The following GUCY1A1 variants were observed in gnomAD, a reference collection of about 807,000 sequenced individuals.
The protein encoded by GUCY1A1 is guanylate cyclase 1 soluble subunit alpha 1, also known as guanylate cyclase soluble subunit alpha-1.
In GUCY1A1, 48 loss-of-function variants were observed where a neutral mutation model predicts 64.5. That is an observed-to-expected ratio of 0.74 (90% confidence interval 0.59 to 0.95). The LOEUF (loss-of-function observed/expected upper bound fraction) is 0.95, where lower values mean the gene tolerates loss of function less well. Among genes scored for constraint, GUCY1A1 ranks in the 40% least tolerant of loss-of-function variants. GUCY1A1 has a pLI of 0.00. For missense variants in GUCY1A1, 804 were observed against 825.3 expected (o/e 0.97, Z 0.32); for synonymous variants, 308 against 303.4 (o/e 1.02, Z -0.16).
chr4:155,713,617 A>G (rs1273098001), intron 7 of GUCY1A1, 34 bp downstream of exon 7: 4 of 1,596,434 alleles, frequency 2.5e-6, no homozygotes, highest in Admixed American at 3.4e-5. Flanking sequence ...TTGTTTTACC[A>G]GCAAACTCAC....
At chr4:155,717,395 TGAGA>T (rs149094442) in intron 8 of GUCY1A1, 93 bp downstream of exon 8, 7 of 881,012 alleles carry the variant, frequency 7.9e-6, no homozygotes, top group South Asian at 7.1e-5. Flanking sequence ...GGGGGTTAGT[TGAGA>T]GAGAGAGAGA....
intron 9 of GUCY1A1, among the ~76,000 whole-genome samples, chr4:155,726,258 TATAA>T (rs1734654625): frequency 6.6e-6 from 1 of 152,034 alleles, no homozygotes; most frequent in African/African-American, 2.4e-5. Flanking sequence ...TTAGGCAAAA[TATAA>T]ATACTTAATG....
intron 2 of GUCY1A1, among the ~76,000 whole-genome samples, chr4:155,674,874 A>C (rs766883115): frequency 6.6e-6 from 1 of 151,712 alleles, no homozygotes; most frequent in Non-Finnish European, 1.5e-5. Flanking sequence ...GTACTTTATT[A>C]TCACTATCGA....
intron 4 of GUCY1A1, 103 bp from the exon 5 acceptor site, chr4:155,708,133 G>A (rs1227603241): frequency 1.6e-6 from 1 of 645,104 alleles, no homozygotes; most frequent in African/African-American, 1.8e-5. Context: ...CGCTGTGCCT[G>A]GCCTAATTTA....
At chr4:155,688,240 CA>C (rs879491708) in intron 2 of GUCY1A1, among the ~76,000 whole-genome samples, 164 of 144,560 alleles carry the variant, frequency 1.1e-3, no homozygotes, top group Middle Eastern at 3.7e-3. Context: ...AACAAACAAA[CA>C]AAAAAAAAAA....
At chr4:155,674,805 G>A (rs1560909235) in intron 2 of GUCY1A1, among the ~76,000 whole-genome samples, 1 of 151,556 alleles carries the variant, frequency 6.6e-6, no homozygotes, top group Non-Finnish European at 1.5e-5. Flanking sequence ...AGTAAAACTA[G>A]TACCCTCTAA....
intron 2 of GUCY1A1, among the ~76,000 whole-genome samples, chr4:155,680,082 TA>T (rs1735521596): frequency 6.6e-6 from 1 of 152,244 alleles, no homozygotes; most frequent in Non-Finnish European, 1.5e-5. Flanking sequence ...CAATTTTTAC[TA>T]AAATGATGGC....
chr4:155,676,898 C>T (rs1295491167), intron 2 of GUCY1A1, among the ~76,000 whole-genome samples: 1 of 151,442 alleles, frequency 6.6e-6, no homozygotes, highest in Non-Finnish European at 1.5e-5. Flanking sequence ...ACAAAGCTCA[C>T]CTTAAGTGTC....
rs1172924102 is a variant in GUCY1A1, at chr4:155,713,208, C to A, written c.1197C>A (p.Tyr399Ter). 6.2e-7 allele frequency: 1 copy of A among 1,614,062 alleles called. No individual in the cohort carries two copies. Among genetic ancestry groups the A allele is most frequent in the Non-Finnish European group, 8.5e-7 (1 of 1,179,946 alleles). Residue 399 changes from tyrosine to a stop codon, truncating the protein, a stop_gained, in exon 7 of 10, where the codon TAC becomes TAA. Transcript: ENST00000506455. LOFTEE classifies it high-confidence loss of function. ...AAGATTTTACAGGACGAGGGCTCTACCTCTCAGACATCCCAATTCACAATG... is the reference window on the plus strand; with the variant it reads ...AAGATTTTACAGGACGAGGGCTCTAACTCTCAGACATCCCAATTCACAATG... ...RLEDFTGRGLYLSDIPIHNAL... is the reference protein window; with the variant it reads ...RLEDFTGRGL
intron 2 of GUCY1A1, among the ~76,000 whole-genome samples, chr4:155,670,947 T>G (rs940927473): frequency 1.3e-5 from 2 of 152,172 alleles, no homozygotes; most frequent in African/African-American, 4.8e-5. Context: ...CCTTTTTTTC[T>G]AGGTCCAGCC....
At chr4:155,726,586 T>C (rs1734702492) in intron 9 of GUCY1A1, among the ~76,000 whole-genome samples, 1 of 151,976 alleles carries the variant, frequency 6.6e-6, no homozygotes, top group South Asian at 2.1e-4. Flanking sequence ...GCTTCCATGA[T>C]ATATTTCTGA....
chr4:155,736,453 A>G lies in GUCY1A1; in HGVS notation c.*6222A>G, dbSNP rs562395689. The G allele has an allele frequency of 5.3e-5, 8 of 152,112 alleles. No homozygotes were observed. The highest frequency in any genetic ancestry group is 1.7e-4 in the African/African-American group (7 of 41,542). 9.4% of individuals were successfully genotyped at this position (152,112 alleles called of 1,614,324 possible). The stretch of plus-strand genomic sequence containing the variant: ...GGAACTCCCTAGAATCTACTCCTAG[A>G]CCACCCTAGTGAAGTACCATAGACC... On this transcript the variant is annotated 3_prime_UTR_variant, in exon 10 of 10. Coordinates refer to ENST00000506455, the MANE Select transcript of GUCY1A1 (RefSeq NM_001130682.3).
rs145938621 is a variant in GUCY1A1, at chr4:155,730,466, A to G, written c.*235A>G. ...AAGCTACTTTTGTGGGAGTATTTCTATTATATAACCAGCACTTACTACCTG... is the reference window on the plus strand; with the variant it reads ...AAGCTACTTTTGTGGGAGTATTTCTGTTATATAACCAGCACTTACTACCTG... On this transcript the variant is annotated 3_prime_UTR_variant, in exon 10 of 10. Coordinates refer to ENST00000506455, the MANE Select transcript of GUCY1A1 (RefSeq NM_001130682.3). 1.2e-3 allele frequency: 458 copies of G among 385,942 alleles called. 6 individuals are homozygous for G. The East Asian group carries it at 0.018, about 15-fold the overall frequency. The allele number at this position is 385,942 out of a possible 1,614,324, so 23.9% of individuals were successfully genotyped here. A position where few individuals can be genotyped will look rare whatever the true frequency, so the allele number is the denominator to read the frequency against.
At position 155,731,125 on chromosome 4, in the gene GUCY1A1, A is replaced by G. The variant is rs1392051913; in HGVS notation, c.*894A>G. On this transcript the variant is annotated 3_prime_UTR_variant, in exon 10 of 10. Transcript: ENST00000506455. ...AAAGTAATCATCCAGGGGACCCACC[A>G]TAAAGGACATTGGTAAAACATTTAC... is the stretch of plus-strand genomic sequence containing the variant. The G allele has an allele frequency of 1.3e-5, 2 of 152,658 alleles. No individual in the cohort carries two copies. Among genetic ancestry groups the G allele is most frequent in the East Asian group, 1.9e-4 (1 of 5,164 alleles). 9.5% of individuals were successfully genotyped at this position (152,658 alleles called of 1,614,324 possible). A position where few individuals can be genotyped will look rare whatever the true frequency, so the allele number is the denominator to read the frequency against.
At chr4:155,675,618 C>A (rs10003097) in intron 2 of GUCY1A1, among the ~76,000 whole-genome samples, 1 of 151,348 alleles carries the variant, frequency 6.6e-6, no homozygotes, top group Non-Finnish European at 1.5e-5. Flanking sequence ...TTTAATACAC[C>A]GCAGCATCTA....
chr4:155,720,136 G>T (rs1733768873), intron 8 of GUCY1A1, among the ~76,000 whole-genome samples: 1 of 152,098 alleles, frequency 6.6e-6, no homozygotes, highest in Non-Finnish European at 1.5e-5. Context: ...CATCGTTTCG[G>T]TTTTTACGAG....
intron 6 of GUCY1A1, among the ~76,000 whole-genome samples, chr4:155,712,340 C>G (rs1454713037): frequency 6.6e-6 from 1 of 152,182 alleles, no homozygotes; most frequent in Non-Finnish European, 1.5e-5. Context: ...CCATGTTGGC[C>G]AGGCTGGTCT....
At chr4:155,683,201 C>T (rs976250076) in intron 2 of GUCY1A1, among the ~76,000 whole-genome samples, 3 of 151,900 alleles carry the variant, frequency 2.0e-5, no homozygotes, top group African/African-American at 7.3e-5. Flanking sequence ...TGAGATTTCA[C>T]TTTTTCTGAA....
At chr4:155,727,744 ATTTC>A (rs1303075791) in intron 9 of GUCY1A1, among the ~76,000 whole-genome samples, 2 of 151,654 alleles carry the variant, frequency 1.3e-5, no homozygotes, top group Non-Finnish European at 2.9e-5. Context: ...ATTTTGCCAT[ATTTC>A]TTTCAGGTTT....
Sources: gnomAD v4.1 joint callset for allele counts (sites outside exome capture counted in the v4.1 genomes callset) on GRCh38, gnomAD v4.1.1 for gene constraint, MANE v1.5 for transcripts, NCBI Gene and HGNC (gene_info 2026-07-23, HGNC 2026-07-21) for gene names.